CSTPP1: variants seen among roughly 807,000 people sequenced by gnomAD.
CSTPP1 encodes UPF0705 protein C11orf49.
chr11:47,110,297 A>G, the CSTPP1 span, among the ~76,000 whole-genome samples: 2 of 152,206 alleles, frequency 1.3e-5, no homozygotes, highest in African/African-American at 4.8e-5. Flanking sequence ...GACACTTAGT[A>G]TATTGACTAA....
chr11:46,937,760 A>T, the CSTPP1 span, among the ~76,000 whole-genome samples: 2 of 151,880 alleles, frequency 1.3e-5, no homozygotes, highest in Non-Finnish European at 2.9e-5. Context: ...GATGGTCTCG[A>T]TCTCCTGACC....
the CSTPP1 span, among the ~76,000 whole-genome samples, chr11:47,034,458 A>C: frequency 6.6e-6 from 1 of 150,646 alleles, no homozygotes; most frequent in South Asian, 2.1e-4. Context: ...GCATTAAAAA[A>C]CTGCTCAGGA....
the CSTPP1 span, among the ~76,000 whole-genome samples, chr11:47,055,566 C>T: frequency 6.6e-6 from 1 of 152,052 alleles, no homozygotes; most frequent in East Asian, 1.9e-4. Context: ...ACTTTTCCAC[C>T]CAATATCTTA....
the CSTPP1 span, among the ~76,000 whole-genome samples, chr11:47,080,666 T>C: frequency 6.6e-6 from 1 of 152,006 alleles, no homozygotes; most frequent in African/African-American, 2.4e-5. Flanking sequence ...AACATTATGC[T>C]TCAGCAAGGT....
the CSTPP1 span, among the ~76,000 whole-genome samples, chr11:47,099,036 TA>T: frequency 1.2e-4 from 18 of 147,110 alleles, no homozygotes; most frequent in African/African-American, 2.0e-4. Flanking sequence ...TGTTCTCCAT[TA>T]AAAAAAAAAG....
At chr11:47,157,800 C>G in the CSTPP1 span, 4 of 1,612,246 alleles carry the variant, frequency 2.5e-6, no homozygotes, top group East Asian at 6.7e-5. Flanking sequence ...AATGTGGCAT[C>G]TCTCCTTCTT....
chr11:47,161,101 C>G, the CSTPP1 span: 1 of 1,614,038 alleles, frequency 6.2e-7, no homozygotes, highest in Non-Finnish European at 8.5e-7. Context: ...CTCAGATTAA[C>G]TACTGTGCCC....
chr11:47,153,345 A>G, the CSTPP1 span, among the ~76,000 whole-genome samples: 1 of 152,156 alleles, frequency 6.6e-6, no homozygotes, highest in African/African-American at 2.4e-5. Context: ...CTGGAATTCT[A>G]GTGTTGAACT....
the CSTPP1 span, chr11:47,161,967 G>A: frequency 2.7e-4 from 282 of 1,063,634 alleles, no homozygotes; most frequent in Middle Eastern, 2.2e-3. Flanking sequence ...CAGCCTCTGC[G>A]GGTCCCCCAA....
the CSTPP1 span, among the ~76,000 whole-genome samples, chr11:47,151,816 C>A: frequency 1.3e-5 from 2 of 151,912 alleles, no homozygotes; most frequent in Admixed American, 6.6e-5. Context: ...TCTGTCTGCA[C>A]CCGCTTCACT....
chr11:47,003,516 G>A, the CSTPP1 span, among the ~76,000 whole-genome samples: 11 of 152,184 alleles, frequency 7.2e-5, no homozygotes, highest in Non-Finnish European at 1.2e-4. Context: ...CCCCTTGCAG[G>A]TGCATCATTA....
At chr11:47,086,897 T>C in the CSTPP1 span, among the ~76,000 whole-genome samples, 1 of 152,210 alleles carries the variant, frequency 6.6e-6, no homozygotes, top group Non-Finnish European at 1.5e-5. Flanking sequence ...AAGAGATTAT[T>C]ACATTGGTAA....
chr11:47,105,747 C>T, the CSTPP1 span, among the ~76,000 whole-genome samples: 6 of 152,262 alleles, frequency 3.9e-5, no homozygotes, highest in South Asian at 1.0e-3. Context: ...AACTGCAGAG[C>T]CCATGCTCTT....
chr11:47,031,696 CTT>C, the CSTPP1 span, among the ~76,000 whole-genome samples: 60 of 136,016 alleles, frequency 4.4e-4, no homozygotes, highest in African/African-American at 1.0e-3. Context: ...AACCCCATCT[CTT>C]TTTTTTTTTT....
At chr11:47,018,441 C>T in the CSTPP1 span, among the ~76,000 whole-genome samples, 4 of 151,784 alleles carry the variant, frequency 2.6e-5, no homozygotes, top group African/African-American at 9.7e-5. Flanking sequence ...ATTACAGGCA[C>T]CTGCCACTGC....
chr11:47,037,140 T>C, the CSTPP1 span, among the ~76,000 whole-genome samples: 2 of 127,050 alleles, frequency 1.6e-5, no homozygotes, highest in African/African-American at 5.0e-5. Context: ...AGAAGTCAGC[T>C]TGAAGGGCTT....
the CSTPP1 span, among the ~76,000 whole-genome samples, chr11:47,013,225 T>A: frequency 4.1e-5 from 6 of 146,416 alleles, no homozygotes; most frequent in African/African-American, 1.1e-4. Flanking sequence ...ATATATATAT[T>A]TATTTATTTA....
At chr11:47,057,990 A>G in the CSTPP1 span, among the ~76,000 whole-genome samples, 2 of 152,322 alleles carry the variant, frequency 1.3e-5, no homozygotes, top group East Asian at 3.9e-4. Flanking sequence ...AATTTAACAA[A>G]ATCCAGCATT....
At chr11:46,970,142 T>C in the CSTPP1 span, among the ~76,000 whole-genome samples, 1 of 152,156 alleles carries the variant, frequency 6.6e-6, no homozygotes, top group African/African-American at 2.4e-5. Flanking sequence ...GGATGTTTTC[T>C]AGGGTGCTGA....
Sources: allele counts gnomAD v4.1 joint callset (sites outside exome capture counted in the v4.1 genomes callset), GRCh38; gene constraint gnomAD v4.1.1; transcripts MANE v1.5; gene names NCBI Gene and HGNC (gene_info 2026-07-23, HGNC 2026-07-21).